The following SCTR variants were observed in gnomAD, a reference collection of about 807,000 sequenced individuals.
SCTR encodes secretin receptor.
SCTR carries 56 observed loss-of-function variants against 60.8 expected under a neutral mutation model. The ratio of observed to expected loss-of-function variants is 0.92; its 90% CI spans 0.74 to 1.15. The LOEUF (loss-of-function observed/expected upper bound fraction) is 1.15, where lower values mean the gene tolerates loss of function less well. Ranked by LOEUF, SCTR falls within the 50% of genes most tolerant of loss-of-function variation. The pLI, the probability that SCTR is intolerant of heterozygous loss-of-function variation, is 0.00. For synonymous variants in SCTR, 202 were observed against 217.0 expected, an observed-to-expected ratio of 0.93 and a Z score of 0.61; for missense variants, 562 against 550.4, an observed-to-expected ratio of 1.02 and a Z score of -0.21.
chr2:119,523,254 C>A (rs967751689), intron 1 of SCTR, among the ~76,000 whole-genome samples: 1 of 151,818 alleles, frequency 6.6e-6, no homozygotes, highest in East Asian at 1.9e-4. Context: ...CCACCTCTAA[C>A]CCCCACTCCC....
chr2:119,509,173 C>G (rs1223344559), intron 1 of SCTR, among the ~76,000 whole-genome samples: 1 of 152,202 alleles, frequency 6.6e-6, no homozygotes, highest in African/African-American at 2.4e-5. Context: ...CCTGGGGTAG[C>G]TTGCTCATCT....
chr2:119,497,164 G>A (rs1678381745), intron 1 of SCTR, among the ~76,000 whole-genome samples: 1 of 152,072 alleles, frequency 6.6e-6, no homozygotes, highest in Non-Finnish European at 1.5e-5. Flanking sequence ...TGGCACTGTG[G>A]CCACCCCCAC....
intron 2 of SCTR, among the ~76,000 whole-genome samples, chr2:119,493,405 G>C (rs1223458318): frequency 1.3e-5 from 2 of 152,082 alleles, no homozygotes; most frequent in Non-Finnish European, 2.9e-5. Context: ...CCTGGCAGTG[G>C]GTTCTTAATG....
chr2:119,518,460 G>A (rs1679180742), intron 1 of SCTR, among the ~76,000 whole-genome samples: 1 of 152,150 alleles, frequency 6.6e-6, no homozygotes, highest in Non-Finnish European at 1.5e-5. Flanking sequence ...ATCTGGAGAT[G>A]ACTCTGGGAA....
At chr2:119,519,714 G>C (rs1679226074) in intron 1 of SCTR, among the ~76,000 whole-genome samples, 1 of 150,710 alleles carries the variant, frequency 6.6e-6, no homozygotes, top group African/African-American at 2.4e-5. Flanking sequence ...GCTGAGGCAG[G>C]AGAATCGCTT....
chr2:119,514,069 G>C (rs1679038217), intron 1 of SCTR, among the ~76,000 whole-genome samples: 2 of 152,180 alleles, frequency 1.3e-5, no homozygotes, highest in South Asian at 4.1e-4. Flanking sequence ...AGTCGTGGTT[G>C]GTCCCACTGT....
intron 2 of SCTR, chr2:119,487,368 C>G (rs1483223893): frequency 1.3e-5 from 2 of 152,230 alleles, no homozygotes; most frequent in Non-Finnish European, 2.9e-5. Flanking sequence ...TGGACCCATG[C>G]TCTGTGGAGT....
intron 1 of SCTR, among the ~76,000 whole-genome samples, chr2:119,509,016 C>A (rs1260613660): frequency 6.6e-6 from 1 of 152,182 alleles, no homozygotes; most frequent in Non-Finnish European, 1.5e-5. Context: ...GGTCTCAACG[C>A]CCTATGGGGT....
chr2:119,463,545 C>T (rs1683701427), intron 6 of SCTR, among the ~76,000 whole-genome samples: 1 of 152,092 alleles, frequency 6.6e-6, no homozygotes, highest in Admixed American at 6.5e-5. Flanking sequence ...GGACTGCTTA[C>T]GTAGGAAACA....
In SCTR at chr2:119,494,507, C is replaced by T; in HGVS notation, c.114G>A (p.Leu38=). 6.2e-7 allele frequency: 1 copy of T among 1,614,114 alleles called. No homozygotes were observed. Among genetic ancestry groups the T allele is most frequent in the Non-Finnish European group, 8.5e-7 (1 of 1,179,976 alleles). ...LPRLCDVLQV[L]WEEQDQCLQE... ...GCAGGCACTGGTCTTGCTCTTCCCA[C>T]AGCACTTGTAGCACGTCACATAGTC... is the stretch of plus-strand genomic sequence containing the variant. Residue 38 remains leucine (L), a synonymous_variant, in exon 2 of 13, where the codon CTG becomes CTA. Transcript: ENST00000019103.
intron 2 of SCTR, among the ~76,000 whole-genome samples, chr2:119,490,744 G>A (rs1263787384): frequency 2.0e-5 from 3 of 152,166 alleles, no homozygotes; most frequent in Non-Finnish European, 4.4e-5. Flanking sequence ...GAACCTGCTT[G>A]TAACTCCTTA....
At chr2:119,472,529 G>T (rs1677067793) in intron 4 of SCTR, among the ~76,000 whole-genome samples, 1 of 152,240 alleles carries the variant, frequency 6.6e-6, no homozygotes. Context: ...GAGGTCCCCA[G>T]CAAAGGTCAG....
intron 1 of SCTR, among the ~76,000 whole-genome samples, chr2:119,512,458 G>T (rs563157015): frequency 1.3e-5 from 2 of 151,712 alleles, no homozygotes; most frequent in East Asian, 1.9e-4. Flanking sequence ...GTGCAGTGGC[G>T]CAATCTCAGC....
chr2:119,523,564 G>A (rs1057432364), intron 1 of SCTR, among the ~76,000 whole-genome samples: 1 of 151,980 alleles, frequency 6.6e-6, no homozygotes, highest in Middle Eastern at 3.4e-3. Context: ...GCGGCAGGCG[G>A]TCCCATCGCA....
At chr2:119,440,479 C>T (rs1022178283) in intron 12 of SCTR, among the ~76,000 whole-genome samples, 1 of 152,202 alleles carries the variant, frequency 6.6e-6, no homozygotes, top group Non-Finnish European at 1.5e-5. Context: ...CTCATTACAT[C>T]GTGTCTTAAA....
At chr2:119,505,495 GC>G (rs1377639382) in intron 1 of SCTR, among the ~76,000 whole-genome samples, 3 of 150,074 alleles carry the variant, frequency 2.0e-5, no homozygotes, top group African/African-American at 7.4e-5. Flanking sequence ...AAAAAATGTG[GC>G]ACATATACAC....
At chr2:119,452,774 T>G (rs1683223658) in intron 8 of SCTR, among the ~76,000 whole-genome samples, 1 of 152,184 alleles carries the variant, frequency 6.6e-6, no homozygotes, top group Non-Finnish European at 1.5e-5. Flanking sequence ...GCTGCCTCGC[T>G]GCTGCCCTGC....
At chr2:119,517,042 T>C (rs1206274555) in intron 1 of SCTR, among the ~76,000 whole-genome samples, 2 of 141,274 alleles carry the variant, frequency 1.4e-5, no homozygotes, top group Non-Finnish European at 3.1e-5. Flanking sequence ...TCAGGTGCTC[T>C]TACCACACAC....
intron 3 of SCTR, among the ~76,000 whole-genome samples, chr2:119,475,893 C>T (rs897483033): frequency 6.6e-6 from 1 of 151,750 alleles, no homozygotes; most frequent in African/African-American, 2.4e-5. Flanking sequence ...AAGGGGATGC[C>T]GCTGGGGAAT....
Sources: allele counts gnomAD v4.1 joint callset (sites outside exome capture counted in the v4.1 genomes callset), GRCh38; gene constraint gnomAD v4.1.1; transcripts MANE v1.5; gene names NCBI Gene and HGNC (gene_info 2026-07-23, HGNC 2026-07-21).